TXLNA: variants seen among roughly 807,000 people sequenced by gnomAD.
The protein encoded by TXLNA is alpha-taxilin.
In TXLNA, 9 loss-of-function variants were observed where a neutral mutation model predicts 61.4. The observed-to-expected ratio is 0.15, with a 90% CI of 0.09 to 0.26. The LOEUF (loss-of-function observed/expected upper bound fraction) is 0.26. Ranked by LOEUF, TXLNA falls within the 10% of genes least tolerant of loss-of-function variation. TXLNA has a pLI of 1.00. For synonymous variants in TXLNA, 257 were observed against 267.7 expected (o/e 0.96, Z 0.39); for missense variants, 565 against 688.8 (o/e 0.82, Z 2.01).
chr1:32,182,399 G>C (rs899804431), intron 3 of TXLNA, among the ~76,000 whole-genome samples: 4 of 152,084 alleles, frequency 2.6e-5, no homozygotes, highest in African/African-American at 9.7e-5. Flanking sequence ...GGTGGCTCAC[G>C]CCTGTAATTG....
At chr1:32,190,374 G>A in intron 6 of TXLNA, 125 bp downstream of exon 6, 2 of 897,102 alleles carry the variant, frequency 2.2e-6, no homozygotes, top group Non-Finnish European at 3.3e-6. Flanking sequence ...CCTCCTCCTT[G>A]GGAGGAGAGT....
chr1:32,194,037 A>G (rs1396010812), intron 9 of TXLNA, 28 bp from the exon 10 acceptor site: 1 of 1,596,240 alleles, frequency 6.3e-7, no homozygotes, highest in African/African-American at 1.3e-5. Flanking sequence ...AGCTCTGACC[A>G]TTTCCTTCTG....
chr1:32,192,872 G>C lies in TXLNA; in HGVS notation c.1158+141G>C. The C allele has an allele frequency of 1.2e-6, 1 of 822,662 alleles. No individual in the cohort carries two copies. The highest frequency in any genetic ancestry group is 2.6e-5 in the East Asian group (1 of 38,168). 51.0% of individuals were successfully genotyped at this position (822,662 alleles called of 1,614,324 possible). On this transcript the variant is annotated intron_variant, in intron 8 of 10. Coordinates refer to ENST00000373610, the MANE Select transcript of TXLNA (RefSeq NM_175852.4). This position sits in a 1 kb window ranked among gnomAD's most constrained non-coding sequence, Gnocchi z 4.2. ...CCTTGGTTGAGCCTTTGTTCTCTCC[G>C]GACCTGCACAGTACCTATGTGGTGG...
At chr1:32,193,747 G>A (rs558904649) in intron 9 of TXLNA, among the ~76,000 whole-genome samples, 105 of 151,874 alleles carry the variant, frequency 6.9e-4, no homozygotes, top group African/African-American at 2.4e-3. Flanking sequence ...AGTAGAGACG[G>A]GGTTTCACCA....
Position 32,180,366 on chromosome 1 carries a change from G to A in TXLNA, c.21G>A (p.Lys7=). ...TCACAATGAAGAACCAAGACAAAAAGAACGGGGCTGCCAAACAATCCAATC... is the reference window on the plus strand; with the variant it reads ...TCACAATGAAGAACCAAGACAAAAAAAACGGGGCTGCCAAACAATCCAATC... The part of the protein sequence containing the change: MKNQDK[K]NGAAKQSNPK... Residue 7 remains lysine (K), a synonymous_variant, in exon 2 of 11, where the codon AAG becomes AAA. Coordinates refer to ENST00000373610, the MANE Select transcript of TXLNA (RefSeq NM_175852.4). The A allele has an allele frequency of 1.2e-6, 2 of 1,613,064 alleles. No individual in the cohort carries two copies. Among genetic ancestry groups the A allele is most frequent in the Non-Finnish European group, 1.7e-6 (2 of 1,179,732 alleles).
rs1225795366 is a variant in TXLNA, at chr1:32,179,777, G to T, written c.-33+1G>T. On this transcript the variant is annotated splice_donor_variant, in intron 1 of 10. Transcript: ENST00000373610. LOFTEE classifies it low-confidence loss of function (5UTR_SPLICE). ...GAAGCCATCGGACGTCGGCGGTGAG[G>T]TACGTGCAGCGGCGGCCGGTGGGCG... 2.6e-5 allele frequency: 4 copies of T among 152,554 alleles called. No homozygotes were observed. Among genetic ancestry groups the T allele is most frequent in the Non-Finnish European group, 5.9e-5 (4 of 68,304 alleles). 9.5% of individuals were successfully genotyped at this position (152,554 alleles called of 1,614,324 possible).
rs746456840 is a variant in TXLNA at position 32,190,167 on chromosome 1, G to A, written c.881G>A (p.Arg294His). Reference protein sequence around the residue: ...IQLQMEQHNERNSKLRQENME... With the variant: ...IQLQMEQHNEHNSKLRQENME... ...CTGCAGATGGAACAGCACAATGAGC[G>A]CAACTCCAAGCTGCGCCAAGAGAAC... Residue 294 changes from arginine (R) to histidine (H), a missense_variant, in exon 6 of 11, where the codon CGC (arginine) becomes CAC (histidine). This residue lies in a region of TXLNA where 373 missense variants were observed against 504.0 expected (regional missense o/e 0.74). Coordinates refer to ENST00000373610, the MANE Select transcript of TXLNA (RefSeq NM_175852.4). 145 of 1,600,892 alleles carry A rather than the reference G, an allele frequency of 9.1e-5. No homozygotes were observed. The highest frequency in any genetic ancestry group is 1.1e-4 in the Non-Finnish European group (133 of 1,173,610).
At chr1:32,194,431 T>C (rs937883817) in intron 10 of TXLNA, among the ~76,000 whole-genome samples, 2 of 152,194 alleles carry the variant, frequency 1.3e-5, no homozygotes, top group Non-Finnish European at 2.9e-5. Context: ...CTGGTTTACA[T>C]GTAAAGCAGC....
Position 32,192,292 on chromosome 1 carries a change from C to A in TXLNA, c.964-19C>A. The A allele has an allele frequency of 6.2e-7, 1 of 1,612,068 alleles. No individual in the cohort carries two copies. Among genetic ancestry groups the A allele is most frequent in the East Asian group, 2.2e-5 (1 of 44,818 alleles). On this transcript the variant is annotated intron_variant, in intron 6 of 10. Coordinates refer to ENST00000373610, the MANE Select transcript of TXLNA (RefSeq NM_175852.4). The surrounding 1 kb of genome is among the most constrained non-coding windows in gnomAD (Gnocchi z 4.2). ...GGGAGCGCCTGACAAGCCGACTGCT[C>A]CCACCATCTTTGTTGCAGCATATCG...
intron 3 of TXLNA, among the ~76,000 whole-genome samples, chr1:32,184,316 C>T (rs1338452809): frequency 6.6e-6 from 1 of 152,124 alleles, no homozygotes; most frequent in Non-Finnish European, 1.5e-5. Context: ...ATTTGTTGAG[C>T]ATATCCTCTG....
intron 3 of TXLNA, among the ~76,000 whole-genome samples, chr1:32,184,167 TTGAAACAGTA>T (rs1237632541): frequency 6.6e-6 from 1 of 152,242 alleles, no homozygotes. Context: ...CTTCCTTGCA[TTGAAACAGTA>T]TGAAACAGTA....
Position 32,181,266 on chromosome 1 carries a change from C to T in TXLNA, c.194C>T (p.Ser65Phe), listed in dbSNP as rs755534864. Residue 65 changes from serine (S) to phenylalanine (F), a missense_variant, in exon 3 of 11, where the codon TCT (serine) becomes TTT (phenylalanine). Transcript: ENST00000373610. ...PEGAQARTAQ[S>F]GALRDVSEEL... ...GGGGCTCAAGCCAGAACGGCTCAGTCTGGGGCCCTTCGTGATGTCTCTGAG... is the reference window on the plus strand; with the variant it reads ...GGGGCTCAAGCCAGAACGGCTCAGTTTGGGGCCCTTCGTGATGTCTCTGAG... 6 of 1,605,936 alleles carry T rather than the reference C, an allele frequency of 3.7e-6. No homozygotes were observed. In the African/African-American group the frequency reaches 5.3e-5, roughly 14 times the overall value.
At chr1:32,187,874 G>C in intron 4 of TXLNA, 80 bp from the exon 5 acceptor site, 1 of 1,490,442 alleles carries the variant, frequency 6.7e-7, no homozygotes, top group African/African-American at 1.4e-5. Flanking sequence ...CAGCTCAGGA[G>C]ACCCTAGACC....
intron 6 of TXLNA, among the ~76,000 whole-genome samples, chr1:32,190,679 A>C (rs1362960070): frequency 6.6e-6 from 1 of 152,206 alleles, no homozygotes; most frequent in East Asian, 1.9e-4. Context: ...AGCTTATGAC[A>C]ATTTCCATTT....
rs202084683 is a variant in TXLNA, at chr1:32,180,487, A to C, written c.142A>C (p.Ser48Arg). ...TGCAGTAGAAGCAGAAGGTCCCGGC[A>C]GCAGCCAGGCTCCTCGGAAGCCGGA... ...APAVEAEGPG[S>R]SQAPRKPEGA... The change falls in exon 2 of 11, where the codon AGC becomes CGC. Residue 48 changes from serine to arginine, a missense_variant. This residue lies in a region of TXLNA where 192 missense variants were observed against 184.8 expected (regional missense o/e 1.04). Transcript: ENST00000373610. 2.5e-5 allele frequency: 40 copies of C among 1,608,850 alleles called. 1 individual carries two copies. The East Asian group carries it at 7.8e-4, about 31-fold the overall frequency.
chr1:32,190,394 C>T lies in TXLNA; in HGVS notation c.963+145C>T, dbSNP rs999900532. Reference sequence around the variant, plus strand: ...TCCTTGGGAGGAGAGTAATGTTATTCCTCATAGATAAAAAACAGGTGTGGA... The same window carrying T: ...TCCTTGGGAGGAGAGTAATGTTATTTCTCATAGATAAAAAACAGGTGTGGA... On this transcript the variant is annotated intron_variant, in intron 6 of 10. Transcript: ENST00000373610. 1.7e-5 allele frequency: 14 copies of T among 826,230 alleles called. No homozygotes were observed. In the African/African-American group the frequency reaches 2.2e-4, roughly 13 times the overall value. 51.2% of individuals were successfully genotyped at this position (826,230 alleles called of 1,614,324 possible).
chr1:32,188,863 G>A (rs903838990), intron 5 of TXLNA, among the ~76,000 whole-genome samples: 9 of 152,184 alleles, frequency 5.9e-5, no homozygotes, highest in African/African-American at 2.2e-4. Flanking sequence ...TGTCCCAGAC[G>A]TTGGTCAGTC....
At chr1:32,189,564 G>C (rs1642861156) in intron 5 of TXLNA, among the ~76,000 whole-genome samples, 1 of 150,430 alleles carries the variant, frequency 6.6e-6, no homozygotes. Context: ...TGGGGACGGA[G>C]TCTTGCTCTG....
At chr1:32,187,308 G>A (rs555281295) in intron 4 of TXLNA, among the ~76,000 whole-genome samples, 3 of 152,040 alleles carry the variant, frequency 2.0e-5, no homozygotes, top group East Asian at 1.9e-4. Flanking sequence ...TTTTTAGTGC[G>A]GCCAGTAGAA....
Sources: allele counts gnomAD v4.1 joint callset (sites outside exome capture counted in the v4.1 genomes callset), GRCh38; gene constraint gnomAD v4.1.1; regional missense constraint gnomAD v4.1.1; non-coding constraint Gnocchi (gnomAD v3.1); transcripts MANE v1.5; gene names NCBI Gene and HGNC (gene_info 2026-07-23, HGNC 2026-07-21).